DDR2: variants seen among roughly 807,000 people sequenced by gnomAD.
The protein encoded by DDR2 is discoidin domain receptor tyrosine kinase 2, also known as discoidin domain-containing receptor 2.
In DDR2, 27 loss-of-function variants were observed where a neutral mutation model predicts 94.9. The observed-to-expected ratio is 0.28, with a 90% confidence interval of 0.21 to 0.39. The LOEUF is 0.39. Among genes scored for constraint, DDR2 ranks in the 10% least tolerant of loss-of-function variants. The pLI, the probability that DDR2 is intolerant of heterozygous loss-of-function variation, is 1.00. For synonymous variants in DDR2, 382 were observed against 377.2 expected, an observed-to-expected ratio of 1.01 and a Z score of -0.15; for missense variants, 783 against 1,076.0, an observed-to-expected ratio of 0.73 and a Z score of 3.81.
intron 1 of DDR2, among the ~76,000 whole-genome samples, chr1:162,632,856 T>C (rs914146608): frequency 6.6e-6 from 1 of 152,138 alleles, no homozygotes; most frequent in Admixed American, 6.5e-5. Flanking sequence ...TAAAGAGCAG[T>C]AATAACCAAA....
intron 3 of DDR2, among the ~76,000 whole-genome samples, chr1:162,734,989 G>A (rs1013116180): frequency 2.0e-5 from 3 of 152,162 alleles, no homozygotes; most frequent in South Asian, 2.1e-4. Flanking sequence ...TGGAGGTTGC[G>A]CACTGCATGG....
At chr1:162,732,616 T>G (rs1227570351) in intron 3 of DDR2, among the ~76,000 whole-genome samples, 1 of 152,244 alleles carries the variant, frequency 6.6e-6, no homozygotes, top group Non-Finnish European at 1.5e-5. Context: ...TGATTGCAGA[T>G]GTCCCTTTAG....
intron 3 of DDR2, among the ~76,000 whole-genome samples, chr1:162,745,444 T>G (rs1171766061): frequency 1.3e-5 from 2 of 152,096 alleles, no homozygotes; most frequent in Non-Finnish European, 2.9e-5. Flanking sequence ...CTTCCAGGAG[T>G]TTTATACTTT....
chr1:162,737,052 A>G (rs1662333099), intron 3 of DDR2, among the ~76,000 whole-genome samples: 2 of 151,808 alleles, frequency 1.3e-5, no homozygotes, highest in South Asian at 4.2e-4. Flanking sequence ...CATGCTGTAT[A>G]TGTACCACAT....
intron 15 of DDR2, 107 bp downstream of exon 15, chr1:162,775,950 G>T (rs939051423): frequency 1.9e-5 from 29 of 1,493,202 alleles, no homozygotes; most frequent in Non-Finnish European, 2.7e-5. Context: ...CTGGGATGGT[G>T]GGGGAAGTCA....
At position 162,761,309 on chromosome 1, in the gene DDR2, T is replaced by C. The variant is rs1253963738; in HGVS notation, c.954T>C (p.Ile318=). ...SEASEWEPNA[I]SFPLVLDDVN... ...CCAGTGAGTGGGAACCTAATGCCAT[T>C]TCCTTCCCCCTTGTCCTGGATGACG... The change falls in exon 9 of 18, where the codon ATT becomes ATC. Residue 318 remains isoleucine (I), a synonymous_variant. Transcript: ENST00000367921. 1 of 1,614,146 alleles carries C rather than the reference T, an allele frequency of 6.2e-7. No homozygotes were observed. Among genetic ancestry groups the C allele is most frequent in the Admixed American group, 1.7e-5 (1 of 60,016 alleles).
At chr1:162,735,616 T>G (rs1428807051) in intron 3 of DDR2, among the ~76,000 whole-genome samples, 1 of 152,144 alleles carries the variant, frequency 6.6e-6, no homozygotes, top group Non-Finnish European at 1.5e-5. Context: ...ATCAAAGAGC[T>G]TTCAGGAAGG....
intron 2 of DDR2, among the ~76,000 whole-genome samples, chr1:162,664,979 G>A (rs868347223): frequency 6.6e-6 from 1 of 152,170 alleles, no homozygotes; most frequent in African/African-American, 2.4e-5. Flanking sequence ...TGCTATTTGA[G>A]CTCTGCTCGA....
chr1:162,651,248 G>A (rs191939738), intron 1 of DDR2, among the ~76,000 whole-genome samples: 50 of 152,216 alleles, frequency 3.3e-4, no homozygotes, highest in Admixed American at 5.9e-4. Context: ...GGAGCCCTGC[G>A]TTTTCCCACC....
Position 162,784,274 on chromosome 1 carries a change from A to G in DDR2, c.*4028A>G, listed in dbSNP as rs936404407. On this transcript the variant is annotated 3_prime_UTR_variant, in exon 18 of 18. Coordinates refer to ENST00000367921, the MANE Select transcript of DDR2 (RefSeq NM_006182.4). ...TTCCAAGGAAGTATGCTGAAACAGA[A>G]CAGTGAATGTTTTGCCCAAAACTAC... The G allele has an allele frequency of 7.1e-5, 11 of 154,348 alleles. No individual in the cohort carries two copies. The highest frequency in any genetic ancestry group is 1.3e-4 in the Non-Finnish European group (9 of 68,206). 9.6% of individuals were successfully genotyped at this position (154,348 alleles called of 1,614,324 possible). A position where few individuals can be genotyped will look rare whatever the true frequency, so the allele number is the denominator to read the frequency against.
chr1:162,660,787 T>C (rs532155927), intron 2 of DDR2, among the ~76,000 whole-genome samples: 1 of 152,340 alleles, frequency 6.6e-6, no homozygotes, highest in Non-Finnish European at 1.5e-5. Flanking sequence ...CTGCCACCTC[T>C]TTTTGCAAAG....
intron 2 of DDR2, among the ~76,000 whole-genome samples, chr1:162,694,905 T>C (rs539620705): frequency 6.6e-6 from 1 of 152,344 alleles, no homozygotes; most frequent in East Asian, 1.9e-4. Flanking sequence ...AAACATTATC[T>C]TTCAAATTTT....
At chr1:162,644,149 CAA>C (rs1657293029) in intron 1 of DDR2, among the ~76,000 whole-genome samples, 1 of 152,000 alleles carries the variant, frequency 6.6e-6, no homozygotes, top group Non-Finnish European at 1.5e-5. Flanking sequence ...CTTAATGAGA[CAA>C]ATAGAAAATA....
intron 3 of DDR2, among the ~76,000 whole-genome samples, chr1:162,745,020 G>A (rs528488046): frequency 6.6e-6 from 1 of 152,234 alleles, no homozygotes; most frequent in Non-Finnish European, 1.5e-5. Context: ...TGATTTTGTT[G>A]ATGATAGTCA....
intron 3 of DDR2, among the ~76,000 whole-genome samples, chr1:162,745,023 G>A (rs1662783342): frequency 6.6e-6 from 1 of 152,136 alleles, no homozygotes; most frequent in Non-Finnish European, 1.5e-5. Flanking sequence ...TTTTGTTGAT[G>A]ATAGTCATCC....
rs1377602404 is a variant in DDR2 at position 162,786,025 on chromosome 1, G to A, written c.*5779G>A. 1 of 152,118 alleles carries A rather than the reference G, an allele frequency of 6.6e-6. No homozygotes were observed. Among genetic ancestry groups the A allele is most frequent in the Non-Finnish European group, 1.5e-5 (1 of 68,026 alleles). 9.4% of individuals were successfully genotyped at this position (152,118 alleles called of 1,614,324 possible). A position where few individuals can be genotyped will look rare whatever the true frequency, so the allele number is the denominator to read the frequency against. On this transcript the variant is annotated 3_prime_UTR_variant, in exon 18 of 18. Transcript: ENST00000367921. Reference sequence around the variant, plus strand: ...CAGGTGCCTTGCAGGAAAATAATCTGAGTCCCAAGCTAGCCTGTGCTCATC... The same window carrying A: ...CAGGTGCCTTGCAGGAAAATAATCTAAGTCCCAAGCTAGCCTGTGCTCATC...
intron 2 of DDR2, among the ~76,000 whole-genome samples, chr1:162,658,662 C>CA (rs796958023): frequency 0.15 from 9,019 of 61,050 alleles, 394 homozygotes; most frequent in Admixed American, 0.18. Flanking sequence ...CTTGTCTGTA[C>CA]AAAAAAAAAA....
rs769406653 is a variant in DDR2, at chr1:162,755,266, G to A, written c.528G>A (p.Val176=). 3 of 1,614,016 alleles carry A rather than the reference G, an allele frequency of 1.9e-6. No homozygotes were observed. Among genetic ancestry groups the A allele is most frequent in the Middle Eastern group, 1.7e-4 (1 of 5,956 alleles). Residue 176 remains valine (V), a synonymous_variant, in exon 6 of 18, where the codon GTG becomes GTA. Transcript: ENST00000367921. The part of the protein sequence containing the change: ...FIPVTDHSMN[V]CMRVELYGCV... ...CAGTCACCGACCACTCCATGAATGTGTGTATGAGAGTGGAGCTTTACGGCT... is the reference window on the plus strand; with the variant it reads ...CAGTCACCGACCACTCCATGAATGTATGTATGAGAGTGGAGCTTTACGGCT...
rs776562909 is a variant in DDR2, at chr1:162,767,354, G to A, written c.1288G>A (p.Glu430Lys). ...GAGGCAGTTCTGGCAGAAAATGCTG[G>A]AGAAGGTGAGGAGGTGCAGAATGGT... ...LWRQFWQKML[E>K]KASRRMLDDE... Residue 430 changes from glutamate (E) to lysine (K), a missense_variant, in exon 11 of 18, where the codon GAG (glutamate) becomes AAG (lysine). By Grantham distance (56) the Glu-to-Lys change is moderately conservative. Around this residue, in one of 2 missense-constraint regions of DDR2, gnomAD observed 519 missense variants for 647.9 expected, o/e 0.80. Coordinates refer to ENST00000367921, the MANE Select transcript of DDR2 (RefSeq NM_006182.4). 3 of 1,613,900 alleles carry A rather than the reference G, an allele frequency of 1.9e-6. No individual in the cohort carries two copies. Among genetic ancestry groups the A allele is most frequent in the Non-Finnish European group, 2.5e-6 (3 of 1,179,996 alleles).
Sources: gnomAD v4.1 joint callset for allele counts (sites outside exome capture counted in the v4.1 genomes callset) on GRCh38, gnomAD v4.1.1 for gene constraint, gnomAD v4.1.1 regional missense constraint, MANE v1.5 for transcripts, NCBI Gene and HGNC (gene_info 2026-07-23, HGNC 2026-07-21) for gene names.